KIAA0586: variants seen among roughly 807,000 people sequenced by gnomAD.
KIAA0586 encodes the protein protein TALPID3.
In KIAA0586, 144 loss-of-function variants were observed where a neutral mutation model predicts 169.8. The ratio of observed to expected loss-of-function variants is 0.85; its 90% CI spans 0.74 to 0.97. The LOEUF (loss-of-function observed/expected upper bound fraction) is 0.97, where lower values mean the gene tolerates loss of function less well. Among genes scored for constraint, KIAA0586 ranks in the 50% least tolerant of loss-of-function variants. KIAA0586 has a pLI of 0.00. For missense variants in KIAA0586, 1,854 were observed against 1,823.0 expected, an observed-to-expected ratio of 1.02 and a Z score of -0.31; for synonymous variants, 625 against 612.4, an observed-to-expected ratio of 1.02 and a Z score of -0.30.
At chr14:58,431,047 A>G (rs2037324263) in intron 3 of KIAA0586, among the ~76,000 whole-genome samples, 1 of 152,262 alleles carries the variant, frequency 6.6e-6, no homozygotes, top group South Asian at 2.1e-4. Flanking sequence ...AGGTTCATCC[A>G]TGTTGTAGTA....
chr14:58,455,110 A>G (rs1743723), intron 9 of KIAA0586, among the ~76,000 whole-genome samples: 150,129 of 152,324 alleles, frequency 0.99, 74,018 homozygotes, highest in East Asian at 1. Flanking sequence ...CTCAAATATG[A>G]TGCTGAGCCC....
At chr14:58,505,785 T>A (rs1475936702) in intron 27 of KIAA0586, among the ~76,000 whole-genome samples, 3 of 152,202 alleles carry the variant, frequency 2.0e-5, no homozygotes, top group African/African-American at 7.2e-5. Flanking sequence ...TCTTGTTAGT[T>A]TTAAAGCTGT....
chr14:58,454,190 T>C (rs944987527), intron 9 of KIAA0586, among the ~76,000 whole-genome samples: 1 of 152,216 alleles, frequency 6.6e-6, no homozygotes, highest in Non-Finnish European at 1.5e-5. Flanking sequence ...CTATTATTTT[T>C]TGAGTTATTT....
Position 58,549,156 on chromosome 14 carries a change from T to G in KIAA0586, c.*1224T>G, listed in dbSNP as rs1356405655. The G allele has an allele frequency of 2.0e-5, 3 of 152,166 alleles. No individual in the cohort carries two copies. Among genetic ancestry groups the G allele is most frequent in the Non-Finnish European group, 2.9e-5 (2 of 68,026 alleles). 9.4% of individuals were successfully genotyped at this position (152,166 alleles called of 1,614,324 possible). A position where few individuals can be genotyped will look rare whatever the true frequency, so the allele number is the denominator to read the frequency against. Reference sequence around the variant, plus strand: ...CAGAAAAATCATTTTCTGTCACAACTGAATTTCAAACACACAGTAATTACA... The same window carrying G: ...CAGAAAAATCATTTTCTGTCACAACGGAATTTCAAACACACAGTAATTACA... On this transcript the variant is annotated 3_prime_UTR_variant, in exon 31 of 31. Coordinates refer to ENST00000652326, the MANE Select transcript of KIAA0586 (RefSeq NM_001329943.3).
intron 27 of KIAA0586, among the ~76,000 whole-genome samples, chr14:58,507,059 A>G (rs1404670527): frequency 2.6e-5 from 4 of 151,752 alleles, no homozygotes; most frequent in Non-Finnish European, 5.9e-5. Context: ...GAGGTAGAAG[A>G]ATCACCTGAG....
chr14:58,447,339 T>C (rs1000856494), intron 6 of KIAA0586, among the ~76,000 whole-genome samples: 1 of 152,126 alleles, frequency 6.6e-6, no homozygotes, highest in African/African-American at 2.4e-5. Context: ...ATGTGCTCCA[T>C]AAATATATAC....
At chr14:58,561,756 T>C in the KIAA0586 span, among the ~76,000 whole-genome samples, 2 of 152,216 alleles carry the variant, frequency 1.3e-5, no homozygotes, top group Non-Finnish European at 2.9e-5. Context: ...ACATAAAGTT[T>C]CATGAAAGGG....
At chr14:58,541,781 T>G (rs139729096) in intron 30 of KIAA0586, among the ~76,000 whole-genome samples, 1 of 152,212 alleles carries the variant, frequency 6.6e-6, no homozygotes, top group Non-Finnish European at 1.5e-5. Context: ...AGGAAGCTTC[T>G]AACGCATGGT....
chr14:58,475,028 A>G lies in KIAA0586; in HGVS notation c.2825+231A>G, dbSNP rs1049107426. ...CTGTCTACTCTGGCACAAGTAGACTATTAGGAAGCCTTAAAAATGTACATG... is the reference window on the plus strand; with the variant it reads ...CTGTCTACTCTGGCACAAGTAGACTGTTAGGAAGCCTTAAAAATGTACATG... On this transcript the variant is annotated intron_variant, in intron 19 of 30. Coordinates refer to ENST00000652326, the MANE Select transcript of KIAA0586 (RefSeq NM_001329943.3). 3.9e-5 allele frequency among the ~76,000 whole-genome samples: 6 copies of G among 152,220 alleles called. No individual in the cohort carries two copies. In the East Asian group the frequency reaches 1.2e-3, roughly 29 times the overall value.
intron 27 of KIAA0586, among the ~76,000 whole-genome samples, chr14:58,499,661 C>T (rs1390383958): frequency 1.3e-5 from 2 of 152,050 alleles, no homozygotes; most frequent in South Asian, 2.1e-4. Flanking sequence ...TGGGTTCAAG[C>T]TATTCTCCTG....
rs567476916 is a variant in KIAA0586 at position 58,490,215 on chromosome 14, G to A, written c.3833G>A (p.Ser1278Asn). ...ACAAACCTTAATGATAGCTTATCCA[G>A]CACTCTGCATGATGCCGTTGAAATG... Reference protein sequence around the residue: ...YLTNLNDSLSSTLHDAVEMED... With the variant: ...YLTNLNDSLSNTLHDAVEMED... The change falls in exon 25 of 31, where the codon AGC becomes AAC. Residue 1278 changes from serine to asparagine, a missense_variant. Physicochemically the swap from Ser to Asn is conservative, Grantham distance 46. Transcript: ENST00000652326. 3 of 1,542,654 alleles carry A rather than the reference G, an allele frequency of 1.9e-6. No homozygotes were observed. In the African/African-American group the frequency reaches 4.1e-5, roughly 21 times the overall value.
At chr14:58,516,943 C>CA (rs1204891852) in intron 29 of KIAA0586, among the ~76,000 whole-genome samples, 2 of 151,358 alleles carry the variant, frequency 1.3e-5, no homozygotes, top group Non-Finnish European at 2.9e-5. Flanking sequence ...CATCTATATA[C>CA]AAAAAAAAGA....
chr14:58,535,805 A>G (rs995676970), intron 29 of KIAA0586, among the ~76,000 whole-genome samples: 1 of 151,566 alleles, frequency 6.6e-6, no homozygotes, highest in Non-Finnish European at 1.5e-5. Flanking sequence ...TAAATTCTGT[A>G]CATCGTCCCT....
intron 29 of KIAA0586, 101 bp downstream of exon 29, chr14:58,512,728 A>C: frequency 1.5e-6 from 1 of 668,064 alleles, no homozygotes; most frequent in Non-Finnish European, 2.5e-6. Flanking sequence ...ACTGCTCTCT[A>C]GGTTTTTGTT....
intron 30 of KIAA0586, among the ~76,000 whole-genome samples, chr14:58,542,076 G>A (rs561140995): frequency 6.6e-6 from 1 of 151,598 alleles, no homozygotes; most frequent in East Asian, 1.9e-4. Context: ...TACCCTTTTC[G>A]CCTGTTCACA....
chr14:58,509,852 G>A (rs1209104474), intron 28 of KIAA0586, among the ~76,000 whole-genome samples: 1 of 151,854 alleles, frequency 6.6e-6, no homozygotes, highest in African/African-American at 2.4e-5. Flanking sequence ...TCAAAAATAA[G>A]AACTTCTGTT....
intron 14 of KIAA0586, among the ~76,000 whole-genome samples, chr14:58,465,035 G>T (rs768966589): frequency 2.0e-5 from 3 of 152,030 alleles, no homozygotes. Flanking sequence ...TCGCACCACT[G>T]CACTCCAGCC....
At chr14:58,508,970 CT>C (rs1414851456) in intron 28 of KIAA0586, among the ~76,000 whole-genome samples, 7 of 152,152 alleles carry the variant, frequency 4.6e-5, no homozygotes, top group Non-Finnish European at 1.0e-4. Context: ...TGGCTCACAC[CT>C]GTAATCCCAG....
At position 58,548,630 on chromosome 14, in the gene KIAA0586, A is replaced by C. The variant is rs1219594020; in HGVS notation, c.*698A>C. On this transcript the variant is annotated 3_prime_UTR_variant, in exon 31 of 31. Transcript: ENST00000652326. ...TGGGTGATAGGAGAGGCTAAGTGAT[A>C]GGAATCAAGGATAATCGTGGTTACT... The C allele has an allele frequency of 6.6e-6, 1 of 152,224 alleles. No homozygotes were observed. Among genetic ancestry groups the C allele is most frequent in the East Asian group, 1.9e-4 (1 of 5,200 alleles). 9.4% of individuals were successfully genotyped at this position (152,224 alleles called of 1,614,324 possible). A position where few individuals can be genotyped will look rare whatever the true frequency, so the allele number is the denominator to read the frequency against.
Sources: allele counts gnomAD v4.1 joint callset (sites outside exome capture counted in the v4.1 genomes callset), GRCh38; gene constraint gnomAD v4.1.1; transcripts MANE v1.5; gene names NCBI Gene and HGNC (gene_info 2026-07-23, HGNC 2026-07-21).